COL14A1: variants seen among roughly 807,000 people sequenced by gnomAD.
The protein encoded by COL14A1 is collagen type XIV alpha 1 chain.
A neutral mutation model predicts 230.3 loss-of-function variants in COL14A1; 136 were observed. The ratio of observed to expected loss-of-function variants is 0.59; its 90% CI spans 0.51 to 0.68. The LOEUF (loss-of-function observed/expected upper bound fraction) is 0.68. Ranked by LOEUF, COL14A1 falls within the 30% of genes least tolerant of loss-of-function variation. The pLI, the probability that COL14A1 is intolerant of heterozygous loss-of-function variation, is 0.00. For synonymous variants in COL14A1, 792 were observed against 784.1 expected, an observed-to-expected ratio of 1.01 and a Z score of -0.17; for missense variants, 1,976 against 2,215.8, an observed-to-expected ratio of 0.89 and a Z score of 2.17.
chr8:120,148,031 C>A, intron 2 of COL14A1, 101 bp downstream of exon 2: 1 of 842,652 alleles, frequency 1.2e-6, no homozygotes, highest in Non-Finnish European at 1.9e-6. Context: ...TCGGCTTTTA[C>A]TGAGTTTTAC....
chr8:120,215,388 AAAGG>A (rs369319185), intron 13 of COL14A1, among the ~76,000 whole-genome samples: 1,859 of 151,720 alleles, frequency 0.012, 16 homozygotes, highest in African/African-American at 0.014. Flanking sequence ...GAAAGAAAAG[AAAGG>A]AAGGAAGGAA....
At chr8:120,221,178 A>C (rs1167286893) in intron 14 of COL14A1, among the ~76,000 whole-genome samples, 2 of 152,220 alleles carry the variant, frequency 1.3e-5, no homozygotes, top group Non-Finnish European at 2.9e-5. Context: ...GTGACTCAGC[A>C]GTAGAGCCTG....
chr8:120,246,608 T>C (rs1818773267), intron 20 of COL14A1, among the ~76,000 whole-genome samples: 1 of 152,198 alleles, frequency 6.6e-6, no homozygotes, highest in African/African-American at 2.4e-5. Flanking sequence ...TTAAAGATTA[T>C]TAGTATGAAA....
chr8:120,282,320 C>A lies in COL14A1; in HGVS notation c.3824+1261C>A, dbSNP rs370494379. Reference sequence around the variant, plus strand: ...CACATTGAAGGCAGATCTGCCCCACCTAGCTCACTCAGACTCGCACGCTAA... The same window carrying A: ...CACATTGAAGGCAGATCTGCCCCACATAGCTCACTCAGACTCGCACGCTAA... On this transcript the variant is annotated intron_variant, in intron 31 of 47. Coordinates refer to ENST00000297848, the MANE Select transcript of COL14A1 (RefSeq NM_021110.4). Among the ~76,000 whole-genome samples, 18 of 152,318 alleles carry A rather than the reference C, an allele frequency of 1.2e-4. No homozygotes were observed. The East Asian group carries it at 2.3e-3, about 20-fold the overall frequency.
chr8:120,295,482 T>A (rs555222922), intron 34 of COL14A1, among the ~76,000 whole-genome samples: 10 of 151,988 alleles, frequency 6.6e-5, no homozygotes, highest in Admixed American at 3.9e-4. Context: ...CTTAGGATAG[T>A]GCCTGGCATT....
chr8:120,264,430 C>T (rs16893779), intron 24 of COL14A1, among the ~76,000 whole-genome samples: 2,366 of 152,268 alleles, frequency 0.016, 58 homozygotes, highest in African/African-American at 0.053. Flanking sequence ...CCCTTTCTAG[C>T]ATTATGGCTT....
chr8:120,212,343 G>A, intron 12 of COL14A1, 105 bp from the exon 13 acceptor site: 1 of 1,123,396 alleles, frequency 8.9e-7, no homozygotes, highest in African/African-American at 1.5e-5. Flanking sequence ...GTTGTAACAG[G>A]ACGTAAAGTC....
chr8:120,165,542 C>T (rs7824436), intron 4 of COL14A1, among the ~76,000 whole-genome samples: 29,271 of 152,146 alleles, frequency 0.19, 7,417 homozygotes, highest in African/African-American at 0.58. Context: ...CCACGTAGTA[C>T]AGCATGGTAG....
At chr8:120,208,853 A>G (rs143671989) in intron 11 of COL14A1, among the ~76,000 whole-genome samples, 14 of 152,288 alleles carry the variant, frequency 9.2e-5, no homozygotes, top group African/African-American at 3.1e-4. Context: ...ATGACAACAT[A>G]CACACATAAT....
chr8:120,236,169 T>C (rs1285382008), intron 19 of COL14A1, among the ~76,000 whole-genome samples: 1 of 152,202 alleles, frequency 6.6e-6, no homozygotes. Context: ...CTGGATATCC[T>C]TGGTAATTTT....
rs1466077138 is a variant in COL14A1 at position 120,345,546 on chromosome 8, G to A, written c.5060G>A (p.Gly1687Glu). Reference protein sequence around the residue: ...PGFPGNAGVPGTPGERGLTGI... With the variant: ...PGFPGNAGVPETPGERGLTGI... ...TTCCCCGGAAATGCAGGCGTGCCAG[G>A]GACCCCAGGAGAACGAGGTAAGCTG... is the stretch of plus-strand genomic sequence containing the variant. The change falls in exon 45 of 48, where the codon GGG (glycine) becomes GAG (glutamate). Residue 1687 changes from glycine to glutamate, a missense_variant. Gly to Glu is a moderately conservative substitution (Grantham distance 98). Coordinates refer to ENST00000297848, the MANE Select transcript of COL14A1 (RefSeq NM_021110.4). 1.3e-6 allele frequency: 2 copies of A among 1,554,556 alleles called. No homozygotes were observed. Among genetic ancestry groups the A allele is most frequent in the Non-Finnish European group, 1.7e-6 (2 of 1,157,738 alleles).
intron 40 of COL14A1, among the ~76,000 whole-genome samples, chr8:120,318,418 T>C (rs1404612056): frequency 6.6e-6 from 1 of 151,858 alleles, no homozygotes; most frequent in Non-Finnish European, 1.5e-5. Flanking sequence ...AAAGAAGAAA[T>C]GAAGGATGGA....
In COL14A1 at chr8:120,280,767, CT is replaced by C; in HGVS notation, c.3685+22del. ...TCTTGCAGGTATGCATTATCACAAT[CT>C]TTTCAAACACAAAATATATTACAGG... On this transcript the variant is annotated intron_variant, in intron 30 of 47. Transcript: ENST00000297848. The C allele has an allele frequency of 1.2e-6, 2 of 1,612,004 alleles. No homozygotes were observed. The highest frequency in any genetic ancestry group is 1.7e-6 in the Non-Finnish European group (2 of 1,179,252).
At chr8:120,184,895 G>A (rs1260566321) in intron 5 of COL14A1, among the ~76,000 whole-genome samples, 3 of 152,154 alleles carry the variant, frequency 2.0e-5, no homozygotes, top group Non-Finnish European at 2.9e-5. Flanking sequence ...GCTTTATTCA[G>A]TCTACCAAAA....
rs772851962 is a variant in COL14A1, at chr8:120,342,465, C to T, written c.4888+19C>T. On this transcript the variant is annotated intron_variant, in intron 44 of 47. Transcript: ENST00000297848. ...ATCCAGAGTAAGTATGTAATGGTTA[C>T]GGAGGATGTTCCCCATAACAAACTC... is the stretch of plus-strand genomic sequence containing the variant. 43 of 1,610,170 alleles carry T rather than the reference C, an allele frequency of 2.7e-5. No individual in the cohort carries two copies. Among genetic ancestry groups the T allele is most frequent in the Middle Eastern group, 1.6e-4 (1 of 6,078 alleles).
intron 1 of COL14A1, among the ~76,000 whole-genome samples, chr8:120,131,915 C>T (rs532302869): frequency 6.1e-4 from 82 of 135,438 alleles, no homozygotes; most frequent in Non-Finnish European, 8.7e-4. Flanking sequence ...GGCGCTATCT[C>T]GGCTCACTGC....
At chr8:120,257,695 G>A (rs770398108) in intron 23 of COL14A1, among the ~76,000 whole-genome samples, 21 of 152,170 alleles carry the variant, frequency 1.4e-4, no homozygotes, top group Middle Eastern at 3.4e-3. Flanking sequence ...CTACATATGC[G>A]GTCTCTGCAG....
intron 14 of COL14A1, 54 bp downstream of exon 14, chr8:120,216,544 A>G: frequency 6.5e-7 from 1 of 1,537,644 alleles, no homozygotes; most frequent in South Asian, 1.2e-5. Context: ...CTAGTTATTT[A>G]TGGCTACATA....
intron 22 of COL14A1, among the ~76,000 whole-genome samples, chr8:120,252,524 A>G (rs186478270): frequency 3.3e-5 from 5 of 152,326 alleles, no homozygotes; most frequent in Admixed American, 2.6e-4. Context: ...GATCATAGTC[A>G]TGGTATTGTC....
Sources: allele counts gnomAD v4.1 joint callset (sites outside exome capture counted in the v4.1 genomes callset), GRCh38; gene constraint gnomAD v4.1.1; transcripts MANE v1.5; gene names NCBI Gene and HGNC (gene_info 2026-07-23, HGNC 2026-07-21).